NVL: variants seen among roughly 807,000 people sequenced by gnomAD.
NVL encodes the protein nuclear valosin-containing protein-like.
In NVL, 84 loss-of-function variants were observed where a neutral mutation model predicts 110.2. The ratio of observed to expected loss-of-function variants is 0.76; its 90% CI spans 0.64 to 0.91. The LOEUF is 0.91. Among genes scored for constraint, NVL ranks in the 40% least tolerant of loss-of-function variants. NVL has a pLI of 0.00. For missense variants in NVL, 882 were observed against 1,035.9 expected, an observed-to-expected ratio of 0.85 and a Z score of 2.04; for synonymous variants, 354 against 361.1, an observed-to-expected ratio of 0.98 and a Z score of 0.22.
intron 4 of NVL, among the ~76,000 whole-genome samples, 195 bp downstream of exon 4, chr1:224,317,499 A>G (rs1210801406): frequency 1.3e-5 from 2 of 152,132 alleles, no homozygotes; most frequent in Non-Finnish European, 2.9e-5. Context: ...ACTCAATAAA[A>G]CCACCCATAC....
intron 2 of NVL, among the ~76,000 whole-genome samples, chr1:224,320,179 T>C (rs1456688588): frequency 6.6e-6 from 1 of 152,138 alleles, no homozygotes; most frequent in Non-Finnish European, 1.5e-5. Flanking sequence ...TGAATATGAA[T>C]GGTGGATTCG....
intron 19 of NVL, among the ~76,000 whole-genome samples, chr1:224,237,594 T>A (rs1660628049): frequency 6.6e-6 from 1 of 152,090 alleles, no homozygotes; most frequent in African/African-American, 2.4e-5. Context: ...AGCTTTTTCT[T>A]CCCTCCAGGG....
intron 1 of NVL, 84 bp downstream of exon 1, chr1:224,329,987 T>A: frequency 7.4e-7 from 1 of 1,355,662 alleles, no homozygotes; most frequent in Non-Finnish European, 1.1e-6. Context: ...GAGTTCCACC[T>A]GGATGCCACC....
chr1:224,268,660 GTTTGT>G, intron 17 of NVL, among the ~76,000 whole-genome samples: 1 of 147,688 alleles, frequency 6.8e-6, no homozygotes. Flanking sequence ...TTGTTTGTTT[GTTTGT>G]TTTGTTTTTT....
chr1:224,312,741 A>G (rs903882115), intron 4 of NVL: 1 of 150,032 alleles, frequency 6.7e-6, no homozygotes, highest in Non-Finnish European at 1.5e-5. Flanking sequence ...AAATTACTTG[A>G]GCCCGGGAGA....
chr1:224,330,013 G>T, intron 1 of NVL, 58 bp downstream of exon 1: 1 of 1,543,882 alleles, frequency 6.5e-7, no homozygotes, highest in Non-Finnish European at 9.0e-7. Flanking sequence ...AAAGGGGAGT[G>T]GCACCCTGGG....
At chr1:224,329,945 C>G in intron 1 of NVL, 126 bp downstream of exon 1, 1 of 933,696 alleles carries the variant, frequency 1.1e-6, no homozygotes. Context: ...CAGACGCACG[C>G]CCAGACCCAG....
Position 224,289,696 on chromosome 1 carries a change from G to C in NVL, c.1363C>G (p.Gln455Glu), listed in dbSNP as rs753343821. The part of the protein sequence containing the change: ...QTLCRKLRLP[Q>E]AFDFCHLAHL... ...GCTAAGTGACAGAAATCAAAAGCTT[G>C]AGGAAGCCTCAGTTTTCTGCACAAT... Residue 455 changes from glutamine to glutamate, a missense_variant, in exon 13 of 23, where the codon CAA becomes GAA. Physicochemically the swap from Gln to Glu is conservative, Grantham distance 29 (BLOSUM62 2). Transcript: ENST00000281701. 9 of 1,614,168 alleles carry C rather than the reference G, an allele frequency of 5.6e-6. No homozygotes were observed. Among genetic ancestry groups the C allele is most frequent in the Non-Finnish European group, 7.6e-6 (9 of 1,179,990 alleles).
chr1:224,290,662 C>T (rs1287900327), intron 12 of NVL, among the ~76,000 whole-genome samples: 1 of 151,934 alleles, frequency 6.6e-6, no homozygotes, highest in Non-Finnish European at 1.5e-5. Context: ...ATTAGCTGGG[C>T]GTGGTGGCGG....
At chr1:224,237,623 G>A (rs1660632265) in intron 19 of NVL, among the ~76,000 whole-genome samples, 1 of 152,028 alleles carries the variant, frequency 6.6e-6, no homozygotes, top group Non-Finnish European at 1.5e-5. Context: ...TGTCGCCCAG[G>A]CAGGAGTGAG....
chr1:224,322,513 T>A (rs1670751403), intron 2 of NVL, among the ~76,000 whole-genome samples: 1 of 152,198 alleles, frequency 6.6e-6, no homozygotes, highest in Non-Finnish European at 1.5e-5. Context: ...TCCTTCCTAA[T>A]ACAGATTTTG....
At chr1:224,279,952 G>A (rs989255539) in intron 16 of NVL, among the ~76,000 whole-genome samples, 2 of 151,888 alleles carry the variant, frequency 1.3e-5, no homozygotes, top group South Asian at 2.1e-4. Flanking sequence ...CCAAAGTGCT[G>A]GGGATTACAG....
intron 22 of NVL, among the ~76,000 whole-genome samples, chr1:224,229,620 T>C (rs1395423937): frequency 6.6e-6 from 1 of 151,396 alleles, no homozygotes; most frequent in Non-Finnish European, 1.5e-5. Context: ...CAGCTAATTT[T>C]TGTATTTTTA....
intron 11 of NVL, among the ~76,000 whole-genome samples, chr1:224,295,886 A>G (rs548389017): frequency 4.7e-5 from 7 of 150,032 alleles, no homozygotes; most frequent in African/African-American, 1.7e-4. Context: ...AATAGGTTGA[A>G]CGCAGGAGGC....
chr1:224,324,002 G>A (rs533273760), intron 2 of NVL, among the ~76,000 whole-genome samples: 61 of 152,264 alleles, frequency 4.0e-4, no homozygotes, highest in Middle Eastern at 3.4e-3. Context: ...GACACATTCT[G>A]AGAAGTGTAT....
At chr1:224,257,726 G>C (rs903177844) in intron 18 of NVL, among the ~76,000 whole-genome samples, 1 of 152,068 alleles carries the variant, frequency 6.6e-6, no homozygotes, top group African/African-American at 2.4e-5. Flanking sequence ...TTTTTGTAGA[G>C]ATGAGGTCTC....
intron 13 of NVL, 112 bp from the exon 14 acceptor site, chr1:224,288,105 T>C: frequency 4.2e-6 from 3 of 713,380 alleles, no homozygotes; most frequent in Non-Finnish European, 7.0e-6. Flanking sequence ...TAAGCTATCC[T>C]GAACGTCTAT....
chr1:224,294,514 T>A (rs2404783), intron 11 of NVL, 103 bp from the exon 12 acceptor site: 3 of 1,259,372 alleles, frequency 2.4e-6, no homozygotes, highest in South Asian at 1.3e-5. Flanking sequence ...TTACAGATTT[T>A]GACAGCAACA....
intron 2 of NVL, among the ~76,000 whole-genome samples, chr1:224,320,124 G>A (rs976322506): frequency 2.0e-5 from 3 of 152,082 alleles, no homozygotes; most frequent in African/African-American, 2.4e-5. Context: ...AAAAAATTCC[G>A]ATAAAATAAT....
Sources: allele counts gnomAD v4.1 joint callset (sites outside exome capture counted in the v4.1 genomes callset), GRCh38; gene constraint gnomAD v4.1.1; transcripts MANE v1.5; gene names NCBI Gene and HGNC (gene_info 2026-07-23, HGNC 2026-07-21).